ABCD3: variants seen among roughly 807,000 people sequenced by gnomAD.
The protein encoded by ABCD3 is ATP-binding cassette sub-family D member 3.
In ABCD3, 41 loss-of-function variants were observed where a neutral mutation model predicts 105.5. The ratio of observed to expected loss-of-function variants is 0.39; its 90% CI spans 0.30 to 0.50. The LOEUF (loss-of-function observed/expected upper bound fraction) is 0.50. ABCD3 is among the 20% of genes least tolerant of loss of function. The pLI is 0.84. For missense variants in ABCD3, 622 were observed against 806.3 expected (o/e 0.77, Z 2.77); for synonymous variants, 258 against 269.0 (o/e 0.96, Z 0.40).
intron 2 of ABCD3, among the ~76,000 whole-genome samples, chr1:94,460,084 GT>G (rs1480215102): frequency 6.6e-6 from 1 of 152,088 alleles, no homozygotes; most frequent in African/African-American, 2.4e-5. Flanking sequence ...TTGTGCACAA[GT>G]TTTTATGTAG....
intron 1 of ABCD3, among the ~76,000 whole-genome samples, chr1:94,444,601 TTTCA>T (rs1386536761): frequency 1.4e-4 from 22 of 152,220 alleles, no homozygotes; most frequent in African/African-American, 5.3e-4. Context: ...TTATAAACCT[TTTCA>T]TTTTGTAAGT....
rs558662627 is a variant in ABCD3, at chr1:94,429,303, A to G, written c.110+10715A>G. ...AGTTCAGAAAATTTGCAGCCTGACA[A>G]TACCACAGAAAAGAAAAACCCATTT... On this transcript the variant is annotated intron_variant, in intron 1 of 22. Transcript: ENST00000370214. Among the ~76,000 whole-genome samples, 39 of 152,332 alleles carry G rather than the reference A, an allele frequency of 2.6e-4. No homozygotes were observed. In the Middle Eastern group the frequency reaches 0.01, roughly 40 times the overall value.
chr1:94,494,030 C>A (rs1649673221), intron 16 of ABCD3, among the ~76,000 whole-genome samples: 1 of 151,946 alleles, frequency 6.6e-6, no homozygotes, highest in Admixed American at 6.6e-5. Flanking sequence ...ACCAGCATGT[C>A]ACATGTATAC....
chr1:94,452,318 A>G (rs562935011), intron 1 of ABCD3, among the ~76,000 whole-genome samples: 120 of 152,352 alleles, frequency 7.9e-4, no homozygotes, highest in Middle Eastern at 3.4e-3. Context: ...GAGATAGTAT[A>G]TGAGCAAATA....
chr1:94,435,014 C>T (rs981234681), intron 1 of ABCD3, among the ~76,000 whole-genome samples: 4 of 152,056 alleles, frequency 2.6e-5, no homozygotes, highest in African/African-American at 7.2e-5. Flanking sequence ...TACATATCCC[C>T]CTGCCACCTC....
At chr1:94,431,577 T>G (rs538274306) in intron 1 of ABCD3, among the ~76,000 whole-genome samples, 20 of 152,308 alleles carry the variant, frequency 1.3e-4, no homozygotes, top group African/African-American at 4.6e-4. Context: ...TTGTTGTTGC[T>G]TTTTGAGACA....
intron 2 of ABCD3, among the ~76,000 whole-genome samples, chr1:94,459,318 T>C (rs1647755986): frequency 6.6e-6 from 1 of 152,138 alleles, no homozygotes; most frequent in Non-Finnish European, 1.5e-5. Flanking sequence ...TCATGTGACA[T>C]GGGTTCTGAT....
chr1:94,493,525 G>A (rs1174779101), intron 16 of ABCD3, among the ~76,000 whole-genome samples: 1 of 151,600 alleles, frequency 6.6e-6, no homozygotes, highest in Non-Finnish European at 1.5e-5. Context: ...CATTGTGGAA[G>A]TCAGTGTGGG....
In ABCD3 at chr1:94,499,570, G is replaced by C; in HGVS notation, c.1696G>C (p.Asp566His). 10 of 1,613,822 alleles carry C rather than the reference G, an allele frequency of 6.2e-6. No individual in the cohort carries two copies. Among genetic ancestry groups the C allele is most frequent in the Non-Finnish European group, 8.5e-6 (10 of 1,179,830 alleles). ...TGAAGGAGGCTGGGACAGTGTTCAG[G>C]ATTGGATGGACGTACTCAGTGGTGG... ...EREGGWDSVQ[D>H]WMDVLSGGEK... Residue 566 changes from aspartate (D) to histidine (H), a missense_variant, in exon 20 of 23, where the codon GAT (aspartate) becomes CAT (histidine). Coordinates refer to ENST00000370214, the MANE Select transcript of ABCD3 (RefSeq NM_002858.4).
chr1:94,434,704 A>G (rs987120529), intron 1 of ABCD3, among the ~76,000 whole-genome samples: 1 of 152,228 alleles, frequency 6.6e-6, no homozygotes. Flanking sequence ...ATTGTAGATT[A>G]TACCACAGAC....
chr1:94,397,115 T>C, the ABCD3 span, among the ~76,000 whole-genome samples: 1 of 152,200 alleles, frequency 6.6e-6, no homozygotes, highest in Admixed American at 6.5e-5. Context: ...TATAAACTTG[T>C]TATTTTGAAA....
chr1:94,500,677 A>G lies in ABCD3; in HGVS notation c.1740+1063A>G, dbSNP rs531754682. On this transcript the variant is annotated intron_variant, in intron 20 of 22. Transcript: ENST00000370214. ...ATTTCTGACCCATTATATTCAGGTT[A>G]TATTCCACCTTTTTGTTACCTCCGA... Among the ~76,000 whole-genome samples, 46 of 152,274 alleles carry G rather than the reference A, an allele frequency of 3.0e-4. 1 individual carries two copies. The South Asian group carries it at 5.8e-3, about 19-fold the overall frequency.
chr1:94,494,789 C>G (rs1000865118), intron 16 of ABCD3, among the ~76,000 whole-genome samples: 12 of 152,110 alleles, frequency 7.9e-5, no homozygotes, highest in Admixed American at 7.9e-4. Flanking sequence ...CTGGAGAGAT[C>G]CTAAGAGGTA....
chr1:94,489,310 A>C (rs979556676), intron 13 of ABCD3, among the ~76,000 whole-genome samples: 1 of 152,126 alleles, frequency 6.6e-6, no homozygotes, highest in Non-Finnish European at 1.5e-5. Flanking sequence ...ACATTTAATA[A>C]ATGCCTTCCT....
At chr1:94,448,207 C>T (rs917033745) in intron 1 of ABCD3, among the ~76,000 whole-genome samples, 10 of 151,756 alleles carry the variant, frequency 6.6e-5, no homozygotes, top group Admixed American at 2.6e-4. Context: ...TGATAGGAAA[C>T]GGGAGAACTC....
intron 20 of ABCD3, among the ~76,000 whole-genome samples, chr1:94,505,402 G>A (rs1315069980): frequency 7.1e-6 from 1 of 141,638 alleles, no homozygotes; most frequent in Non-Finnish European, 1.5e-5. Context: ...TTTAAGAGAT[G>A]TGGTTTCCCT....
intron 10 of ABCD3, among the ~76,000 whole-genome samples, chr1:94,487,043 G>C (rs1649309998): frequency 6.6e-6 from 1 of 152,198 alleles, no homozygotes; most frequent in Non-Finnish European, 1.5e-5. Flanking sequence ...CTGAGGCTGT[G>C]TGGCACTGAT....
chr1:94,474,922 A>C (rs1434464281), intron 5 of ABCD3, among the ~76,000 whole-genome samples: 1 of 152,120 alleles, frequency 6.6e-6, no homozygotes, highest in African/African-American at 2.4e-5. Flanking sequence ...GTAATTAGTG[A>C]TATTAACATA....
chr1:94,496,646 A>G (rs1410191049), intron 16 of ABCD3, among the ~76,000 whole-genome samples: 1 of 126,596 alleles, frequency 7.9e-6, no homozygotes, highest in Non-Finnish European at 1.6e-5. Flanking sequence ...CTCATTTCCT[A>G]CTATTCTTCT....
Sources: allele counts gnomAD v4.1 joint callset (sites outside exome capture counted in the v4.1 genomes callset), GRCh38; gene constraint gnomAD v4.1.1; transcripts MANE v1.5; gene names NCBI Gene and HGNC (gene_info 2026-07-23, HGNC 2026-07-21).